The following PLCB4 variants were observed in gnomAD, a reference collection of about 807,000 sequenced individuals.
PLCB4 encodes phospholipase C beta 4.
PLCB4 carries 77 observed loss-of-function variants against 178.8 expected under a neutral mutation model. That is an observed-to-expected ratio of 0.43 (90% CI 0.36 to 0.52). The LOEUF is 0.52. Ranked by LOEUF, PLCB4 falls within the 20% of genes least tolerant of loss-of-function variation. The probability of loss-of-function intolerance (pLI) is 0.00; values close to 1 mark genes in which losing one functional copy is unlikely to be tolerated. For missense variants in PLCB4, 1,024 were observed against 1,453.4 expected (o/e 0.70, Z 4.80); for synonymous variants, 496 against 490.8 (o/e 1.01, Z -0.14).
intron 4 of PLCB4, among the ~76,000 whole-genome samples, chr20:9,327,685 A>G (rs2030913420): frequency 6.6e-6 from 1 of 152,070 alleles, no homozygotes. Flanking sequence ...CTGAGGCAGG[A>G]GTATGGCGTG....
intron 3 of PLCB4, among the ~76,000 whole-genome samples, chr20:9,222,463 A>G (rs2093811971): frequency 1.3e-5 from 2 of 152,162 alleles, no homozygotes; most frequent in South Asian, 2.1e-4. Context: ...AGACCAGCCA[A>G]CACTGTCCAA....
At chr20:9,450,391 G>T (rs1018110476) in intron 32 of PLCB4, among the ~76,000 whole-genome samples, 1 of 152,158 alleles carries the variant, frequency 6.6e-6, no homozygotes, top group South Asian at 2.1e-4. Context: ...GAAAGGACAA[G>T]TGGTGTCTGG....
At chr20:9,113,263 C>CTT (rs1288617264) in intron 2 of PLCB4, among the ~76,000 whole-genome samples, 2 of 152,124 alleles carry the variant, frequency 1.3e-5, no homozygotes, top group African/African-American at 4.8e-5. Context: ...CCCTTTGCTG[C>CTT]TTTAGCTCAT....
At chr20:9,159,238 C>G (rs561697058) in intron 2 of PLCB4, among the ~76,000 whole-genome samples, 2 of 152,054 alleles carry the variant, frequency 1.3e-5, no homozygotes, top group Non-Finnish European at 1.5e-5. Flanking sequence ...TAGAAAATGG[C>G]CTTAAATTGA....
chr20:9,242,274 C>T (rs911649224), intron 3 of PLCB4, among the ~76,000 whole-genome samples: 1 of 152,100 alleles, frequency 6.6e-6, no homozygotes, highest in Non-Finnish European at 1.5e-5. Flanking sequence ...ATGGTAGACT[C>T]CCCAGTGCTC....
At chr20:9,122,612 G>A (rs76366516) in intron 2 of PLCB4, among the ~76,000 whole-genome samples, 4,119 of 152,216 alleles carry the variant, frequency 0.027, 184 homozygotes, top group African/African-American at 0.093. Context: ...ATGTACATAT[G>A]CAGTATTTCA....
chr20:9,299,154 A>G (rs1394490836), intron 3 of PLCB4, among the ~76,000 whole-genome samples: 1 of 152,028 alleles, frequency 6.6e-6, no homozygotes, highest in Admixed American at 6.6e-5. Flanking sequence ...GAAAGGGGAG[A>G]ACAACGTTTT....
intron 30 of PLCB4, among the ~76,000 whole-genome samples, chr20:9,440,420 G>A (rs184297827): frequency 6.6e-4 from 101 of 152,310 alleles, no homozygotes; most frequent in Admixed American, 2.2e-3. Flanking sequence ...CAGCCCCAGC[G>A]CATATCCCTA....
chr20:9,391,039 T>C (rs940631187), intron 17 of PLCB4, among the ~76,000 whole-genome samples: 2 of 152,180 alleles, frequency 1.3e-5, no homozygotes, highest in Non-Finnish European at 2.9e-5. Flanking sequence ...GAACTGTATA[T>C]GCACCCGGTA....
chr20:9,244,013 A>T (rs1387530274), intron 3 of PLCB4, among the ~76,000 whole-genome samples: 1 of 152,194 alleles, frequency 6.6e-6, no homozygotes, highest in Non-Finnish European at 1.5e-5. Context: ...TATGGCCAGA[A>T]GCCATTGGTG....
intron 3 of PLCB4, among the ~76,000 whole-genome samples, chr20:9,292,652 T>C (rs2094590263): frequency 6.6e-6 from 1 of 152,284 alleles, no homozygotes. Context: ...TGGTAAAGAA[T>C]GGAAACTCAT....
chr20:9,426,197 GT>G (rs1214303023), intron 28 of PLCB4, among the ~76,000 whole-genome samples: 2 of 152,074 alleles, frequency 1.3e-5, no homozygotes, highest in Non-Finnish European at 2.9e-5. Flanking sequence ...AAGAAAGATA[GT>G]GTGGATTTTC....
chr20:9,224,638 G>A (rs1048489076), intron 3 of PLCB4, among the ~76,000 whole-genome samples: 12 of 152,082 alleles, frequency 7.9e-5, no homozygotes, highest in Non-Finnish European at 1.5e-4. Flanking sequence ...AGAATTCTTC[G>A]GTTTGGCCAA....
chr20:9,263,968 A>C (rs1191078142), intron 3 of PLCB4, among the ~76,000 whole-genome samples: 1 of 152,180 alleles, frequency 6.6e-6, no homozygotes. Flanking sequence ...TCATTATACT[A>C]CACCTGTTTT....
At chr20:9,176,499 A>G (rs968270149) in intron 2 of PLCB4, among the ~76,000 whole-genome samples, 15 of 152,206 alleles carry the variant, frequency 9.9e-5, no homozygotes, top group Non-Finnish European at 1.8e-4. Flanking sequence ...TACATGTATT[A>G]TCAGACAAAT....
At chr20:9,457,598 A>C (rs1190020330) in intron 34 of PLCB4, 109 bp downstream of exon 34, 6 of 685,620 alleles carry the variant, frequency 8.8e-6, no homozygotes, top group Non-Finnish European at 1.6e-5. Context: ...GAGCTGGTCT[A>C]GTAGCCTGCA....
At chr20:9,238,355 T>G (rs537159893) in intron 3 of PLCB4, among the ~76,000 whole-genome samples, 1 of 152,234 alleles carries the variant, frequency 6.6e-6, no homozygotes, top group East Asian at 1.9e-4. Context: ...GCCTGGTCAG[T>G]GGGTGCAGGC....
chr20:9,339,473 C>T (rs1170265663), intron 7 of PLCB4, among the ~76,000 whole-genome samples: 2 of 151,976 alleles, frequency 1.3e-5, no homozygotes, highest in Admixed American at 6.6e-5. Flanking sequence ...GCAATGTGAG[C>T]CACATATATA....
chr20:9,468,983 T>C (rs941230961), intron 36 of PLCB4, among the ~76,000 whole-genome samples: 1 of 152,068 alleles, frequency 6.6e-6, no homozygotes, highest in Non-Finnish European at 1.5e-5. Flanking sequence ...ATTCATTTTT[T>C]TTTTTGCTTG....
Sources: allele counts gnomAD v4.1 joint callset (sites outside exome capture counted in the v4.1 genomes callset), GRCh38; gene constraint gnomAD v4.1.1; transcripts MANE v1.5; gene names NCBI Gene and HGNC (gene_info 2026-07-23, HGNC 2026-07-21).